The following HOATZ variants were observed in gnomAD, a reference collection of about 807,000 sequenced individuals.
HOATZ encodes the protein cilia- and flagella-associated protein HOATZ.
Under a neutral mutation model 24.9 loss-of-function variants are expected in HOATZ, and 26 were observed. That is an observed-to-expected ratio of 1.04 (90% confidence interval 0.76 to 1.45). The LOEUF (loss-of-function observed/expected upper bound fraction) is 1.45, where lower values mean the gene tolerates loss of function less well. HOATZ is among the 40% of genes most tolerant of loss of function. The pLI is 0.00. For missense variants in HOATZ, 226 were observed against 201.5 expected (o/e 1.12, Z -0.74); for synonymous variants, 83 against 76.6 (o/e 1.08, Z -0.43).
At chr11:111,529,491 G>A (rs140370047) in intron 3 of HOATZ, among the ~76,000 whole-genome samples, 1,669 of 152,094 alleles carry the variant, frequency 0.011, 29 homozygotes, top group African/African-American at 0.038. Context: ...AGCCTCCCGA[G>A]TTGCTGGGAC....
At chr11:111,527,525 G>A (rs140853148) in intron 3 of HOATZ, among the ~76,000 whole-genome samples, 2 of 152,088 alleles carry the variant, frequency 1.3e-5, no homozygotes, top group African/African-American at 2.4e-5. Context: ...TAACATCTTC[G>A]ATCCACTCCC....
At chr11:111,531,293 A>T (rs1228995890) in intron 3 of HOATZ, among the ~76,000 whole-genome samples, 2 of 47,372 alleles carry the variant, frequency 4.2e-5, no homozygotes, top group African/African-American at 6.3e-5. Context: ...TTCATACATC[A>T]TGACTCAATC....
chr11:111,530,512 G>GA (rs1383069718), intron 3 of HOATZ, among the ~76,000 whole-genome samples: 1 of 151,870 alleles, frequency 6.6e-6, no homozygotes, highest in Non-Finnish European at 1.5e-5. Flanking sequence ...TAATTTTCTG[G>GA]AATCAGTTTT....
Position 111,536,901 on chromosome 11 carries a change from C to G in HOATZ, c.*74C>G, listed in dbSNP as rs576752394. ...AAACAACCTTCTCTTAGATCAGGAT[C>G]ATTGAGATCACTGGCAACATTATAG... is the stretch of plus-strand genomic sequence containing the variant. On this transcript the variant is annotated 3_prime_UTR_variant, in exon 6 of 6. Transcript: ENST00000375618. The G allele has an allele frequency of 5.2e-4, 602 of 1,157,026 alleles. No homozygotes were observed. The highest frequency in any genetic ancestry group is 6.9e-4 in the Non-Finnish European group (529 of 767,258). 71.7% of individuals were successfully genotyped at this position (1,157,026 alleles called of 1,614,324 possible). A position where few individuals can be genotyped will look rare whatever the true frequency, so the allele number is the denominator to read the frequency against.
intron 3 of HOATZ, among the ~76,000 whole-genome samples, chr11:111,518,490 C>T (rs1473899651): frequency 4.6e-5 from 7 of 152,182 alleles, no homozygotes; most frequent in Non-Finnish European, 7.4e-5. Context: ...AACTCATATA[C>T]TCCTTAAAAT....
At chr11:111,521,385 A>G (rs907667651) in intron 3 of HOATZ, among the ~76,000 whole-genome samples, 2 of 152,210 alleles carry the variant, frequency 1.3e-5, no homozygotes, top group Non-Finnish European at 2.9e-5. Context: ...AACTTCAGAG[A>G]ACCAAAGCAA....
rs1418978419 is a variant in HOATZ, at chr11:111,514,944, C to T, written c.160C>T (p.Leu54=). 1.2e-6 allele frequency: 2 copies of T among 1,614,042 alleles called. No individual in the cohort carries two copies. The highest frequency in any genetic ancestry group is 1.7e-6 in the Non-Finnish European group (2 of 1,180,034). ...GATGTATCCCCCTAGCGAATCTCAG[C>T]TGGTGCTGCGCAGAGACAGCAGTCA... ...ASMYPPSESQ[L]VLRRDSSQRL... is the part of the protein sequence containing the mutation. Residue 54 remains leucine (L), a synonymous_variant, in exon 1 of 6, where the codon CTG becomes TTG. Coordinates refer to ENST00000375618, the MANE Select transcript of HOATZ (RefSeq NM_001100388.2).
intron 3 of HOATZ, among the ~76,000 whole-genome samples, chr11:111,529,852 G>A (rs938353248): frequency 1.6e-4 from 24 of 152,010 alleles, no homozygotes; most frequent in Non-Finnish European, 3.4e-4. Flanking sequence ...CAGAAAATTC[G>A]TGGTCAGAAG....
chr11:111,517,317 T>C (rs1446292932), intron 3 of HOATZ, among the ~76,000 whole-genome samples: 1 of 152,216 alleles, frequency 6.6e-6, no homozygotes, highest in Non-Finnish European at 1.5e-5. Flanking sequence ...CTTCAGTGCT[T>C]TCGGAATTTA....
chr11:111,536,870 CT>C lies in HOATZ; in HGVS notation c.*46del. 1 of 1,480,592 alleles carries C rather than the reference CT, an allele frequency of 6.8e-7. No individual in the cohort carries two copies. 91.7% of individuals were successfully genotyped at this position (1,480,592 alleles called of 1,614,324 possible). A position where few individuals can be genotyped will look rare whatever the true frequency, so the allele number is the denominator to read the frequency against. On this transcript the variant is annotated 3_prime_UTR_variant, in exon 6 of 6. Transcript: ENST00000375618. ...AGAGGATGGCTCACTTATACCTTCA[CT>C]TTGGAAACAACCTTCTCTTAGATCA...
intron 3 of HOATZ, among the ~76,000 whole-genome samples, chr11:111,523,801 C>T (rs1028052118): frequency 6.6e-6 from 1 of 152,216 alleles, no homozygotes; most frequent in Admixed American, 6.5e-5. Context: ...TAGCTAATAA[C>T]TACATTTAGC....
chr11:111,521,324 G>A (rs754662196), intron 3 of HOATZ, among the ~76,000 whole-genome samples: 1 of 152,024 alleles, frequency 6.6e-6, no homozygotes, highest in Admixed American at 6.6e-5. Flanking sequence ...ATCAACTGTT[G>A]GATTATCACT....
rs111247821 is a variant in HOATZ, at chr11:111,514,809, C to G, written c.25C>G (p.Pro9Ala). ...CATGGAAACGGGACCCAGCGAAGAA[C>G]CTAGCGGCCGAAAAGAGTCCCAGGA... is the stretch of plus-strand genomic sequence containing the variant. METGPSEE[P>A]SGRKESQEMC... The change falls in exon 1 of 6, where the codon CCT becomes GCT. Residue 9 changes from proline to alanine, a missense_variant. Transcript: ENST00000375618. 2.5e-3 allele frequency: 4,104 copies of G among 1,613,942 alleles called. 4 individuals are homozygous for G. The highest frequency in any genetic ancestry group is 3.3e-3 in the Non-Finnish European group (3,835 of 1,179,922).
chr11:111,534,134 T>C (rs1867423054), intron 4 of HOATZ, among the ~76,000 whole-genome samples: 1 of 152,190 alleles, frequency 6.6e-6, no homozygotes, highest in African/African-American at 2.4e-5. Flanking sequence ...CTTGCCTAGA[T>C]CATACAAAAA....
At chr11:111,521,577 T>C (rs1867269367) in intron 3 of HOATZ, among the ~76,000 whole-genome samples, 1 of 152,184 alleles carries the variant, frequency 6.6e-6, no homozygotes. Flanking sequence ...CTTTCCTCCA[T>C]AAAAGGAATA....
chr11:111,527,518 C>A (rs1867352233), intron 3 of HOATZ, among the ~76,000 whole-genome samples: 1 of 152,212 alleles, frequency 6.6e-6, no homozygotes, highest in African/African-American at 2.4e-5. Flanking sequence ...AATCCTGTAA[C>A]ATCTTCGATC....
intron 3 of HOATZ, among the ~76,000 whole-genome samples, chr11:111,518,047 G>A (rs1379877787): frequency 6.6e-6 from 1 of 152,098 alleles, no homozygotes; most frequent in Non-Finnish European, 1.5e-5. Context: ...CAACCATGCA[G>A]GCCAAGGAAC....
intron 3 of HOATZ, among the ~76,000 whole-genome samples, chr11:111,524,715 A>G (rs899629933): frequency 1.3e-5 from 2 of 152,228 alleles, no homozygotes; most frequent in African/African-American, 4.8e-5. Flanking sequence ...AACCATCAAT[A>G]TAGGAGACAA....
Position 111,514,991 on chromosome 11 carries a change from CAGG to C in HOATZ, c.213_215del (p.Arg71del), listed in dbSNP as rs774855614. On this transcript the variant is annotated inframe_deletion, in exon 1 of 6. Transcript: ENST00000375618. ...GTCAGCGTCTGCCGGTGGCGCGGCC[CAGG>C]AGGAGCAGAGGGTCTGGTGAGTAGA... 2 of 1,612,986 alleles carry C rather than the reference CAGG, an allele frequency of 1.2e-6. No individual in the cohort carries two copies. Among genetic ancestry groups the C allele is most frequent in the Non-Finnish European group, 1.7e-6 (2 of 1,179,908 alleles).
Sources: gnomAD v4.1 joint callset for allele counts (sites outside exome capture counted in the v4.1 genomes callset) on GRCh38, gnomAD v4.1.1 for gene constraint, MANE v1.5 for transcripts, NCBI Gene and HGNC (gene_info 2026-07-23, HGNC 2026-07-21) for gene names.